Variants in TBC1D22A observed in about 807,000 individuals in gnomAD.
TBC1D22A encodes the protein putative GTPase activator.
In TBC1D22A, 38 loss-of-function variants were observed where a neutral mutation model predicts 60.2. That is an observed-to-expected ratio of 0.63 (90% CI 0.49 to 0.83). TBC1D22A has a LOEUF of 0.83. Ranked by LOEUF, TBC1D22A falls within the 40% of genes least tolerant of loss-of-function variation. The probability of loss-of-function intolerance (pLI) is 0.00; values close to 1 mark genes in which losing one functional copy is unlikely to be tolerated. For synonymous variants in TBC1D22A, 302 were observed against 281.7 expected (o/e 1.07, Z -0.72); for missense variants, 628 against 701.0 (o/e 0.90, Z 1.18).
At chr22:46,841,075 A>T (rs12168408) in intron 4 of TBC1D22A, among the ~76,000 whole-genome samples, 3,751 of 85,094 alleles carry the variant, frequency 0.044, 113 homozygotes, top group African/African-American at 0.14. Flanking sequence ...TGTGTGTGTG[A>T]GAGAGAGAGA....
chr22:46,991,377 G>A (rs1055580314), intron 9 of TBC1D22A, among the ~76,000 whole-genome samples: 2 of 152,210 alleles, frequency 1.3e-5, no homozygotes, highest in Admixed American at 1.3e-4. Context: ...TCTCAGCTGG[G>A]AGGGATAGCG....
At chr22:47,006,986 G>A (rs1020158818) in intron 10 of TBC1D22A, among the ~76,000 whole-genome samples, 24 of 152,122 alleles carry the variant, frequency 1.6e-4, no homozygotes, top group Admixed American at 1.3e-3. Flanking sequence ...GGACAATAAC[G>A]CATAAGCAGG....
intron 8 of TBC1D22A, among the ~76,000 whole-genome samples, chr22:46,972,809 A>C (rs2074124257): frequency 6.6e-6 from 1 of 152,180 alleles, no homozygotes; most frequent in Non-Finnish European, 1.5e-5. Context: ...CCCAGAACCA[A>C]ATCAAAGCAA....
At chr22:47,015,989 C>T (rs1376053603) in intron 10 of TBC1D22A, among the ~76,000 whole-genome samples, 1 of 152,148 alleles carries the variant, frequency 6.6e-6, no homozygotes, top group African/African-American at 2.4e-5. Flanking sequence ...TCCACTGGCC[C>T]TCCACACTCC....
intron 7 of TBC1D22A, 63 bp downstream of exon 7, chr22:46,894,909 C>T (rs2068594268): frequency 1.3e-6 from 2 of 1,572,364 alleles, no homozygotes; most frequent in African/African-American, 2.7e-5. Flanking sequence ...ACTGTGCTAA[C>T]CAGACAGTGG....
At chr22:46,768,891 C>T (rs568746197) in intron 1 of TBC1D22A, among the ~76,000 whole-genome samples, 6 of 151,550 alleles carry the variant, frequency 4.0e-5, no homozygotes, top group Non-Finnish European at 7.4e-5. Context: ...GTCAGCAGTT[C>T]GAGACCAGCC....
chr22:46,989,607 CATTT>C (rs1211528757), intron 9 of TBC1D22A, among the ~76,000 whole-genome samples: 1 of 152,036 alleles, frequency 6.6e-6, no homozygotes, highest in Admixed American at 6.6e-5. Flanking sequence ...ACACACAAAA[CATTT>C]ATTAAGTTTG....
intron 8 of TBC1D22A, among the ~76,000 whole-genome samples, chr22:46,945,393 T>A (rs952324683): frequency 6.6e-6 from 1 of 152,258 alleles, no homozygotes; most frequent in Non-Finnish European, 1.5e-5. Context: ...GCACGTTGTT[T>A]CTGAAGCTTT....
chr22:46,843,526 G>A (rs763365901), intron 4 of TBC1D22A, among the ~76,000 whole-genome samples: 51 of 150,384 alleles, frequency 3.4e-4, no homozygotes, highest in Non-Finnish European at 7.1e-4. Context: ...AGAGCACAGA[G>A]TGTGGCCCCC....
chr22:47,159,167 CGG>C (rs1360989626), intron 12 of TBC1D22A, among the ~76,000 whole-genome samples: 1 of 150,792 alleles, frequency 6.6e-6, no homozygotes, highest in Non-Finnish European at 1.5e-5. Context: ...ACCATGTGTG[CGG>C]ATACTACACA....
chr22:47,061,012 G>A (rs1342083147), intron 11 of TBC1D22A, among the ~76,000 whole-genome samples: 1 of 152,194 alleles, frequency 6.6e-6, no homozygotes, highest in Admixed American at 6.5e-5. Flanking sequence ...CACCGGAACC[G>A]CTCGCATGCG....
chr22:46,787,397 G>A (rs140074171), intron 1 of TBC1D22A, among the ~76,000 whole-genome samples: 1,552 of 152,192 alleles, frequency 0.01, 22 homozygotes, highest in African/African-American at 0.036. Context: ...CGAGTGGCCC[G>A]GCCAGTGCAT....
At chr22:47,162,202 G>GT (rs57783061) in intron 12 of TBC1D22A, among the ~76,000 whole-genome samples, 1,790 of 146,172 alleles carry the variant, frequency 0.012, 18 homozygotes, top group Middle Eastern at 0.043. Flanking sequence ...CATTTGAAAG[G>GT]TTTTTTTTTT....
intron 5 of TBC1D22A, among the ~76,000 whole-genome samples, chr22:46,883,443 A>G (rs993269108): frequency 6.6e-6 from 1 of 152,240 alleles, no homozygotes; most frequent in Non-Finnish European, 1.5e-5. Context: ...TTAATTATTG[A>G]AAGGCCTCAA....
intron 12 of TBC1D22A, among the ~76,000 whole-genome samples, chr22:47,161,178 T>C (rs28488013): frequency 2.3e-3 from 349 of 152,226 alleles, no homozygotes; most frequent in African/African-American, 8.1e-3. Context: ...GATTGTCTTT[T>C]AGAAATTGAA....
intron 4 of TBC1D22A, among the ~76,000 whole-genome samples, chr22:46,839,862 C>T (rs1338937284): frequency 6.6e-6 from 1 of 152,104 alleles, no homozygotes; most frequent in Non-Finnish European, 1.5e-5. Context: ...GTAGTCTTTT[C>T]AATAAGTTTG....
At position 47,046,017 on chromosome 22, in the gene TBC1D22A, G is replaced by C. The variant is rs139515311; in HGVS notation, c.1329+8819G>C. The stretch of plus-strand genomic sequence containing the variant: ...GTGGAGGTGAGAAGACCTAGGCCAA[G>C]GAGGTTCCCGGCTGTGGGCCCTGGT... On this transcript the variant is annotated intron_variant, in intron 11 of 12. Coordinates refer to ENST00000337137, the MANE Select transcript of TBC1D22A (RefSeq NM_014346.5). Among the ~76,000 whole-genome samples the C allele has an allele frequency of 3.8e-3, 574 of 152,328 alleles. 30 individuals carry two copies. The East Asian group carries it at 0.1, about 26-fold the overall frequency.
intron 8 of TBC1D22A, among the ~76,000 whole-genome samples, chr22:46,973,375 G>C (rs923720199): frequency 6.6e-6 from 1 of 152,192 alleles, no homozygotes; most frequent in African/African-American, 2.4e-5. Flanking sequence ...AAATGAGCAC[G>C]CACATTCACA....
At chr22:47,054,045 C>T (rs944483959) in intron 11 of TBC1D22A, among the ~76,000 whole-genome samples, 5 of 152,172 alleles carry the variant, frequency 3.3e-5, no homozygotes, top group African/African-American at 1.2e-4. Flanking sequence ...GTGAGAGCTG[C>T]AGTTCCCTCC....
Sources: gnomAD v4.1 joint callset for allele counts (sites outside exome capture counted in the v4.1 genomes callset) on GRCh38, gnomAD v4.1.1 for gene constraint, MANE v1.5 for transcripts, NCBI Gene and HGNC (gene_info 2026-07-23, HGNC 2026-07-21) for gene names.